NPRL3: variants seen among roughly 807,000 people sequenced by gnomAD.
NPRL3 encodes the protein GATOR1 complex protein NPRL3.
NPRL3 carries 23 observed loss-of-function variants against 57.2 expected under a neutral mutation model. That is an observed-to-expected ratio of 0.40 (90% CI 0.29 to 0.57). The LOEUF is 0.57. Among genes scored for constraint, NPRL3 ranks in the 20% least tolerant of loss-of-function variants. The probability of loss-of-function intolerance (pLI) is 0.42; values close to 1 mark genes in which losing one functional copy is unlikely to be tolerated. For missense variants in NPRL3, 691 were observed against 767.1 expected (o/e 0.90, Z 1.17); for synonymous variants, 333 against 321.1 (o/e 1.04, Z -0.39).
intron 2 of NPRL3, among the ~76,000 whole-genome samples, chr16:137,301 G>T (rs570456902): frequency 2.4e-4 from 36 of 152,336 alleles, no homozygotes; most frequent in African/African-American, 8.7e-4. Context: ...GTCCACAGGG[G>T]AAGGCAGCAG....
In NPRL3 at chr16:138,611, G is replaced by T. The variant is rs1386808309; in HGVS notation, c.-68+31C>A. 2 of 69,102 alleles carry T rather than the reference G, an allele frequency of 2.9e-5. 1 individual carries two copies. The highest frequency in any genetic ancestry group is 1.1e-3 in the African/African-American group (2 of 1,870). The allele number at this position is 69,102 out of a possible 1,614,324, so 4.3% of individuals were successfully genotyped here. A position where few individuals can be genotyped will look rare whatever the true frequency, so the allele number is the denominator to read the frequency against. On this transcript the variant is annotated intron_variant, in intron 1 of 13. Coordinates refer to ENST00000611875, the MANE Select transcript of NPRL3 (RefSeq NM_001077350.3). ...GGGCCTGAGGAGGACAGGGGTGGTGGTGGACGCGGAGCAGCGCCACAGTTA... is the reference window on the plus strand; with the variant it reads ...GGGCCTGAGGAGGACAGGGGTGGTGTTGGACGCGGAGCAGCGCCACAGTTA...
In NPRL3 at chr16:125,142, T is replaced by C. The variant is rs868806435; in HGVS notation, c.188+5380A>G. 33 of 155,328 alleles carry C rather than the reference T, an allele frequency of 2.1e-4. No individual in the cohort carries two copies. In the Middle Eastern group the frequency reaches 0.014, roughly 64 times the overall value. 9.6% of individuals were successfully genotyped at this position (155,328 alleles called of 1,614,324 possible). Reference sequence around the variant, plus strand: ...ATATTTGAGTTCTGGGACACACTGCTTTCCATGTATTCTGGAAAGAGAAAG... The same window carrying C: ...ATATTTGAGTTCTGGGACACACTGCCTTCCATGTATTCTGGAAAGAGAAAG... On this transcript the variant is annotated intron_variant, in intron 3 of 13. Coordinates refer to ENST00000611875, the MANE Select transcript of NPRL3 (RefSeq NM_001077350.3).
intron 9 of NPRL3, among the ~76,000 whole-genome samples, chr16:97,258 C>CTT (rs528855343): frequency 1.7e-4 from 25 of 145,072 alleles, no homozygotes; most frequent in African/African-American, 6.0e-4. Context: ...TCTCCCCGTG[C>CTT]TTTTTTTTTT....
In NPRL3 at chr16:110,553, C is replaced by A. The variant is rs1899758021; in HGVS notation, c.601G>T (p.Ala201Ser). ...TCATAAGCTTCCTTGAGGTCCCTGG[C>A]CAGCTTGCACTTGGGCAGGATGTGA... ...FHHILPKCKL[A>S]RDLKEAYDSL... The change falls in exon 7 of 14, where the codon GCC becomes TCC. Residue 201 changes from alanine to serine, a missense_variant. By Grantham distance (99) the Ala-to-Ser change is moderately conservative. Transcript: ENST00000611875. 3 of 1,612,130 alleles carry A rather than the reference C, an allele frequency of 1.9e-6. No individual in the cohort carries two copies. The highest frequency in any genetic ancestry group is 8.5e-7 in the Non-Finnish European group (1 of 1,179,094).
intron 7 of NPRL3, among the ~76,000 whole-genome samples, chr16:101,147 C>T (rs1478359190): frequency 1.5e-4 from 23 of 152,082 alleles, no homozygotes; most frequent in Admixed American, 1.5e-3. Context: ...CGTCCAGACC[C>T]CTGGCAGACA....
At position 95,460 on chromosome 16, in the gene NPRL3, T is replaced by C. The variant is rs550252176; in HGVS notation, c.925-2135A>G. On this transcript the variant is annotated intron_variant, in intron 9 of 13. Transcript: ENST00000611875. ...GTGGGATATGGGACTGTGGGAACTT[T>C]CTGTGTCTATAATTTGTGTAGTGTT... 8.6e-5 allele frequency among the ~76,000 whole-genome samples: 13 copies of C among 151,976 alleles called. No homozygotes were observed. In the South Asian group the frequency reaches 2.3e-3, roughly 27 times the overall value.
At chr16:93,180 C>T (rs1212653138) in intron 10 of NPRL3, 39 bp downstream of exon 10, 2 of 1,353,688 alleles carry the variant, frequency 1.5e-6, no homozygotes, top group Non-Finnish European at 2.1e-6. Flanking sequence ...CACCCCTTCC[C>T]ACTCGGGGCT....
rs774407019 is a variant in NPRL3, at chr16:110,488, TAAG to T, written c.629+34_629+36del. The T allele has an allele frequency of 3.8e-6, 6 of 1,562,436 alleles. No homozygotes were observed. The East Asian group carries it at 1.1e-4, about 30-fold the overall frequency. Reference sequence around the variant, plus strand: ...CCTCAGGCCCAGGCAGGCTGGCCCATAAGAAGGAGGTTAATAAGCACACCCACC... The same window carrying T: ...CCTCAGGCCCAGGCAGGCTGGCCCATAAGGAGGTTAATAAGCACACCCACC... On this transcript the variant is annotated intron_variant, in intron 7 of 13. Transcript: ENST00000611875.
chr16:106,497 G>C (rs1240391433), intron 7 of NPRL3, among the ~76,000 whole-genome samples: 1 of 151,748 alleles, frequency 6.6e-6, no homozygotes, highest in Non-Finnish European at 1.5e-5. Context: ...ATTCAGGCGT[G>C]GGGGCGGGTG....
chr16:97,686 C>T (rs999882987), intron 9 of NPRL3, among the ~76,000 whole-genome samples: 1 of 152,142 alleles, frequency 6.6e-6, no homozygotes, highest in Non-Finnish European at 1.5e-5. Context: ...AACACATGTG[C>T]ACACACAGGG....
At chr16:122,300 C>T (rs7190975) in intron 3 of NPRL3, among the ~76,000 whole-genome samples, 22 of 147,148 alleles carry the variant, frequency 1.5e-4, no homozygotes, top group African/African-American at 3.0e-4. Flanking sequence ...GGTTTCACCA[C>T]GTTGGCCAGG....
At chr16:121,813 C>A (rs1224262981) in intron 3 of NPRL3, among the ~76,000 whole-genome samples, 1 of 152,062 alleles carries the variant, frequency 6.6e-6, no homozygotes, top group African/African-American at 2.4e-5. Flanking sequence ...TTGCTCTTGT[C>A]CCCCAGGCTG....
chr16:95,346 TATATAC>T (rs1370335730), intron 9 of NPRL3, among the ~76,000 whole-genome samples: 169 of 46,404 alleles, frequency 3.6e-3, no homozygotes, highest in Middle Eastern at 0.033. Context: ...TATATATATA[TATATAC>T]ACACACACAC....
intron 7 of NPRL3, among the ~76,000 whole-genome samples, chr16:103,977 G>A (rs1040572361): frequency 1.3e-5 from 2 of 152,198 alleles, no homozygotes; most frequent in Non-Finnish European, 2.9e-5. Flanking sequence ...AGCTGGGCGT[G>A]GTGGTGCATG....
chr16:120,958 C>A (rs1900256016), intron 3 of NPRL3, among the ~76,000 whole-genome samples: 1 of 152,218 alleles, frequency 6.6e-6, no homozygotes, highest in Non-Finnish European at 1.5e-5. Flanking sequence ...CACATCCTAT[C>A]TAAACAGTGC....
intron 3 of NPRL3, among the ~76,000 whole-genome samples, chr16:120,164 G>C (rs1045445038): frequency 3.3e-5 from 5 of 152,182 alleles, no homozygotes; most frequent in African/African-American, 4.8e-5. Context: ...TCTGGACCCA[G>C]AAGAGAGAGA....
intron 8 of NPRL3, among the ~76,000 whole-genome samples, chr16:98,624 G>C (rs2141921461): frequency 6.6e-6 from 1 of 152,336 alleles, no homozygotes; most frequent in South Asian, 2.1e-4. Flanking sequence ...TTTGAGAAAA[G>C]GGCAGTGGTC....
rs941137627 is a variant in NPRL3 at position 89,716 on chromosome 16, G to A, written c.1348C>T (p.Pro450Ser). Residue 450 changes from proline (P) to serine (S), a missense_variant, in exon 12 of 14, where the codon CCA (proline) becomes TCA (serine). By Grantham distance (74) the Pro-to-Ser change is moderately conservative (BLOSUM62 -1). Coordinates refer to ENST00000611875, the MANE Select transcript of NPRL3 (RefSeq NM_001077350.3). ...AGCGGTGCCCTGGGGGTCCTACTTG[G>A]GGAGCCAAAGCTGAGGGCGTTGGGC... ...STPNALSFGS[P>S]TSSDDMTLTS... 1.9e-6 allele frequency: 3 copies of A among 1,569,726 alleles called. No individual in the cohort carries two copies. Among genetic ancestry groups the A allele is most frequent in the Non-Finnish European group, 2.6e-6 (3 of 1,163,998 alleles).
chr16:126,813 G>A (rs979364109), intron 3 of NPRL3, among the ~76,000 whole-genome samples: 1 of 152,128 alleles, frequency 6.6e-6, no homozygotes, highest in African/African-American at 2.4e-5. Context: ...TCTCATAATT[G>A]AATTATAGAA....
Sources: gnomAD v4.1 joint callset for allele counts (sites outside exome capture counted in the v4.1 genomes callset) on GRCh38, gnomAD v4.1.1 for gene constraint, MANE v1.5 for transcripts, NCBI Gene and HGNC (gene_info 2026-07-23, HGNC 2026-07-21) for gene names.